TMED6: variants seen among roughly 807,000 people sequenced by gnomAD.
The protein encoded by TMED6 is transmembrane emp24 domain-containing protein 6.
A neutral mutation model predicts 26.5 loss-of-function variants in TMED6; 17 were observed. That is an observed-to-expected ratio of 0.64 (90% CI 0.44 to 0.96). The LOEUF is 0.96. Among genes scored for constraint, TMED6 ranks in the 40% least tolerant of loss-of-function variants. TMED6 has a pLI of 0.00. For synonymous variants in TMED6, 107 were observed against 106.2 expected (o/e 1.01, Z -0.04); for missense variants, 309 against 296.5 (o/e 1.04, Z -0.31).
intron 3 of TMED6, among the ~76,000 whole-genome samples, chr16:69,345,950 A>G (rs1216741301): frequency 6.6e-6 from 1 of 152,194 alleles, no homozygotes; most frequent in Non-Finnish European, 1.5e-5. Context: ...AAGTGCTGGG[A>G]TTACAGGTGT....
rs1394291916 is a variant in TMED6, at chr16:69,343,542, T to C, written c.588A>G (p.Ser196=). ...RKMADFFLIQ[S]NYNYVNWWST... is the part of the protein sequence containing the mutation. ...ACCACCAGTTCACGTAGTTATAGTT[T>C]GATTGGATAAGGAAAAAGTCAGCCA... Residue 196 remains serine (S), a synonymous_variant, in exon 4 of 4, where the codon TCA becomes TCG. Transcript: ENST00000288025. The C allele has an allele frequency of 1.1e-5, 18 of 1,614,180 alleles. No homozygotes were observed. Among genetic ancestry groups the C allele is most frequent in the Non-Finnish European group, 1.4e-5 (17 of 1,180,042 alleles).
chr16:69,349,491 GATT>G, intron 2 of TMED6, 31 bp downstream of exon 2: 1 of 1,604,314 alleles, frequency 6.2e-7, no homozygotes, highest in Non-Finnish European at 8.5e-7. Context: ...AGGACCCTAT[GATT>G]ATTATAATAG....
intron 1 of TMED6, 51 bp downstream of exon 1, chr16:69,351,490 G>C (rs771821980): frequency 3.8e-6 from 6 of 1,565,250 alleles, no homozygotes; most frequent in Non-Finnish European, 5.2e-6. Flanking sequence ...CCCACTTTAT[G>C]AGTAAAGGAG....
chr16:69,343,334 GT>G lies in TMED6; in HGVS notation c.*72del. The G allele has an allele frequency of 7.6e-7, 1 of 1,311,336 alleles. No homozygotes were observed. The highest frequency in any genetic ancestry group is 1.1e-6 in the Non-Finnish European group (1 of 949,076). The allele number at this position is 1,311,336 out of a possible 1,614,324, so 81.2% of individuals were successfully genotyped here. On this transcript the variant is annotated 3_prime_UTR_variant, in exon 4 of 4. Coordinates refer to ENST00000288025, the MANE Select transcript of TMED6 (RefSeq NM_144676.4). ...AACATTAATGAGATAATTGATTTTT[GT>G]CCCATAACATTACAAAGCTGATTCG...
intron 3 of TMED6, among the ~76,000 whole-genome samples, chr16:69,345,509 C>G (rs990210104): frequency 6.6e-6 from 1 of 151,494 alleles, no homozygotes; most frequent in East Asian, 2.0e-4. Flanking sequence ...TGGTGAAACC[C>G]CCGTCTCTAC....
At chr16:69,350,549 C>T (rs1268680657) in intron 1 of TMED6, among the ~76,000 whole-genome samples, 2 of 152,126 alleles carry the variant, frequency 1.3e-5, no homozygotes, top group East Asian at 1.9e-4. Context: ...ATCCGCCTGC[C>T]TCAGCCTCCC....
At chr16:69,346,137 A>T (rs1324367472) in intron 3 of TMED6, among the ~76,000 whole-genome samples, 1 of 152,226 alleles carries the variant, frequency 6.6e-6, no homozygotes, top group African/African-American at 2.4e-5. Context: ...AACAAAAAAT[A>T]AGTGTTGATG....
chr16:69,350,144 C>A (rs1450277894), intron 1 of TMED6, among the ~76,000 whole-genome samples: 1 of 151,366 alleles, frequency 6.6e-6, no homozygotes, highest in Non-Finnish European at 1.5e-5. Context: ...TGGTGGCGTG[C>A]GCCTATAATC....
chr16:69,348,013 T>C (rs2012713752), intron 2 of TMED6, 77 bp from the exon 3 acceptor site: 1 of 1,505,110 alleles, frequency 6.6e-7, no homozygotes, highest in African/African-American at 1.4e-5. Context: ...GTATCTGTCC[T>C]CTAGTTTTGG....
intron 3 of TMED6, 144 bp from the exon 4 acceptor site, chr16:69,343,784 TTG>T (rs2012630858): frequency 2.8e-6 from 2 of 715,490 alleles, no homozygotes; most frequent in Non-Finnish European, 2.3e-6. Context: ...TTGTTAAATG[TTG>T]TGTTTGCTAT....
intron 3 of TMED6, among the ~76,000 whole-genome samples, chr16:69,347,428 G>A (rs546823149): frequency 5.9e-5 from 9 of 152,208 alleles, no homozygotes; most frequent in Non-Finnish European, 7.4e-5. Context: ...GCGTGATCTC[G>A]GCTTACTGCA....
chr16:69,351,555 AG>A lies in TMED6; in HGVS notation c.198del (p.Tyr67IlefsTer30). On this transcript the variant is annotated frameshift_variant, in exon 1 of 4. Coordinates refer to ENST00000288025, the MANE Select transcript of TMED6 (RefSeq NM_144676.4). LOFTEE classifies it high-confidence loss of function. ...CACCCACATACCTCGTAACTGAAAT[AG>A]AAGTATCCAGTCTGGTGGGCAAATT... ...FWQFAHQTGY[F>X]YFSYEVQRTV... is the part of the protein sequence containing the mutation. 6.2e-7 allele frequency: 1 copy of A among 1,614,102 alleles called. No homozygotes were observed. The highest frequency in any genetic ancestry group is 8.5e-7 in the Non-Finnish European group (1 of 1,180,000).
Position 69,343,457 on chromosome 16 carries a change from G to A in TMED6, c.673C>T (p.Arg225Cys), listed in dbSNP as rs147135005. The change falls in exon 4 of 4, where the codon CGT (arginine) becomes TGT (cysteine). Residue 225 changes from arginine to cysteine, a missense_variant. Transcript: ENST00000288025. ...GTAGTTGTTGGAACATTGAAGAGAC[G>A]CTTCAAGAAATACAGTTGCAGGATC... ...SGILQLYFLK[R>C]LFNVPTTTDT... is the part of the protein sequence containing the mutation. 76 of 1,614,148 alleles carry A rather than the reference G, an allele frequency of 4.7e-5. No individual in the cohort carries two copies. In the African/African-American group the frequency reaches 8.1e-4, roughly 17 times the overall value.
At chr16:69,343,666 G>T in intron 3 of TMED6, 26 bp from the exon 4 acceptor site, 2 of 1,599,308 alleles carry the variant, frequency 1.3e-6, no homozygotes, top group Non-Finnish European at 1.7e-6. Context: ...TTTTAAGGGG[G>T]ATTCTTCCAA....
Position 69,347,940 on chromosome 16 carries a change from T to G in TMED6, c.341-4A>C. ...CTTAGACAAAGCTGATAAAAACCTG[T>G]AGGAATTCTTAGATCATTACCAAGT... On this transcript the variant is annotated splice_region_variant and splice_polypyrimidine_tract_variant and intron_variant, in intron 2 of 3. Coordinates refer to ENST00000288025, the MANE Select transcript of TMED6 (RefSeq NM_144676.4). 2 of 1,613,838 alleles carry G rather than the reference T, an allele frequency of 1.2e-6. No individual in the cohort carries two copies. Among genetic ancestry groups the G allele is most frequent in the Non-Finnish European group, 1.7e-6 (2 of 1,179,878 alleles).
At position 69,349,671 on chromosome 16, in the gene TMED6, AG is replaced by A; in HGVS notation, c.214-21del. 1.7e-5 allele frequency: 27 copies of A among 1,608,972 alleles called. No homozygotes were observed. Among genetic ancestry groups the A allele is most frequent in the Non-Finnish European group, 2.3e-5 (27 of 1,176,548 alleles). On this transcript the variant is annotated intron_variant, in intron 1 of 3. Transcript: ENST00000288025. Reference sequence around the variant, plus strand: ...CTGAACCTGCCAAGACACATTAAATAGGTAGCAGAACCCCTGCTACATCACG... The same window carrying A: ...CTGAACCTGCCAAGACACATTAAATAGTAGCAGAACCCCTGCTACATCACG...
intron 3 of TMED6, among the ~76,000 whole-genome samples, chr16:69,346,123 CTG>C (rs1433456592): frequency 2.0e-5 from 3 of 152,198 alleles, no homozygotes; most frequent in Non-Finnish European, 4.4e-5. Context: ...ACTAGGATGA[CTG>C]TAACAAAAAA....
intron 1 of TMED6, among the ~76,000 whole-genome samples, chr16:69,350,926 A>G (rs985292475): frequency 1.3e-5 from 2 of 152,252 alleles, no homozygotes; most frequent in Non-Finnish European, 2.9e-5. Context: ...GGAAATGAAC[A>G]GCCTCTAACT....
intron 3 of TMED6, among the ~76,000 whole-genome samples, chr16:69,346,541 A>G (rs1342247658): frequency 2.6e-5 from 4 of 152,194 alleles, no homozygotes; most frequent in African/African-American, 7.2e-5. Context: ...AGGCGGGCCA[A>G]TCACCTGAGG....
Sources: gnomAD v4.1 joint callset for allele counts (sites outside exome capture counted in the v4.1 genomes callset) on GRCh38, gnomAD v4.1.1 for gene constraint, MANE v1.5 for transcripts, NCBI Gene and HGNC (gene_info 2026-07-23, HGNC 2026-07-21) for gene names.